The following PDE3A variants were observed in gnomAD, a reference collection of about 807,000 sequenced individuals.
PDE3A encodes phosphodiesterase 3A.
A neutral mutation model predicts 98.3 loss-of-function variants in PDE3A; 43 were observed. That is an observed-to-expected ratio of 0.44 (90% CI 0.34 to 0.56). PDE3A has a LOEUF of 0.56. Ranked by LOEUF, PDE3A falls within the 20% of genes least tolerant of loss-of-function variation. PDE3A has a pLI of 0.01. For missense variants in PDE3A, 1,427 were observed against 1,440.7 expected (o/e 0.99, Z 0.15); for synonymous variants, 663 against 567.9 (o/e 1.17, Z -2.38).
chr12:20,481,888 C>T (rs1028981115), intron 1 of PDE3A, among the ~76,000 whole-genome samples: 3 of 150,668 alleles, frequency 2.0e-5, no homozygotes, highest in Non-Finnish European at 4.4e-5. Flanking sequence ...CCTCAGCCTC[C>T]CGAGTAGCTG....
intron 2 of PDE3A, among the ~76,000 whole-genome samples, chr12:20,595,954 ATCC>A (rs1018256567): frequency 2.0e-5 from 3 of 152,140 alleles, no homozygotes; most frequent in South Asian, 4.1e-4. Context: ...TTTTTCCTAC[ATCC>A]TCCTCCTTAT....
chr12:20,379,705 T>A (rs1943630454), intron 1 of PDE3A, among the ~76,000 whole-genome samples: 1 of 151,786 alleles, frequency 6.6e-6, no homozygotes, highest in South Asian at 2.1e-4. Context: ...CTAAGTTGAT[T>A]TAAGGAAATT....
In PDE3A at chr12:20,386,068, A is replaced by G. The variant is rs1212588866; in HGVS notation, c.960+15824A>G. On this transcript the variant is annotated intron_variant, in intron 1 of 15. Coordinates refer to ENST00000359062, the MANE Select transcript of PDE3A (RefSeq NM_000921.5). ...TATATATAAATATATATAAATATAT[A>G]TAAAATATATATAAATATATAAATA... 2.1e-3 allele frequency among the ~76,000 whole-genome samples: 61 copies of G among 28,534 alleles called. 2 individuals carry two copies. The East Asian group carries it at 0.024, about 11-fold the overall frequency. 18.7% of individuals were successfully genotyped at this position (28,534 alleles called of 152,430 possible).
At chr12:20,522,389 G>C (rs1946446185) in intron 1 of PDE3A, among the ~76,000 whole-genome samples, 1 of 152,178 alleles carries the variant, frequency 6.6e-6, no homozygotes, top group Non-Finnish European at 1.5e-5. Context: ...GTGGGGTTCA[G>C]CAATTTGTCT....
chr12:20,482,449 TAAG>T (rs1359210969), intron 1 of PDE3A, among the ~76,000 whole-genome samples: 4 of 152,064 alleles, frequency 2.6e-5, no homozygotes, highest in Admixed American at 2.0e-4. Flanking sequence ...AGTTGAGGAA[TAAG>T]AAGAGTTTCA....
In PDE3A at chr12:20,685,660, A is replaced by G. The variant is rs1189164870; in HGVS notation, c.*5389A>G. ...CCACATTTTCTTTCCAGATACAGCT[A>G]GTTTTTCTCCACATGTTTTTAAGGT... On this transcript the variant is annotated 3_prime_UTR_variant, in exon 16 of 16. Transcript: ENST00000359062. Among the ~76,000 whole-genome samples the G allele has an allele frequency of 6.6e-6, 1 of 152,144 alleles. No individual in the cohort carries two copies. The highest frequency in any genetic ancestry group is 1.9e-4 in the East Asian group (1 of 5,180).
intron 1 of PDE3A, among the ~76,000 whole-genome samples, chr12:20,422,671 AC>A (rs1944539872): frequency 6.6e-6 from 1 of 152,246 alleles, no homozygotes; most frequent in Non-Finnish European, 1.5e-5. Flanking sequence ...ACATGGAATA[AC>A]CGCATATAGA....
rs1160285522 is a variant in PDE3A at position 20,386,030 on chromosome 12, A to T, written c.960+15786A>T. ...TAAATATATATAAAATATATATATA[A>T]ATATATATAAAATATATATAAATAT... On this transcript the variant is annotated intron_variant, in intron 1 of 15. Transcript: ENST00000359062. Among the ~76,000 whole-genome samples the T allele has an allele frequency of 1.7e-4, 16 of 93,590 alleles. 1 individual carries two copies. The highest frequency in any genetic ancestry group is 4.1e-4 in the African/African-American group (10 of 24,452). The allele number at this position is 93,590 out of a possible 152,430, so 61.4% of individuals were successfully genotyped here. A position where few individuals can be genotyped will look rare whatever the true frequency, so the allele number is the denominator to read the frequency against.
chr12:20,497,676 G>T (rs1440401687), intron 1 of PDE3A, among the ~76,000 whole-genome samples: 1 of 152,134 alleles, frequency 6.6e-6, no homozygotes, highest in African/African-American at 2.4e-5. Context: ...GATGAAGGTG[G>T]ATTATTCAAA....
At chr12:20,659,857 G>T (rs541391633) in intron 15 of PDE3A, among the ~76,000 whole-genome samples, 63 of 152,242 alleles carry the variant, frequency 4.1e-4, no homozygotes, top group African/African-American at 1.3e-3. Flanking sequence ...TGGAAATGTG[G>T]AACAAAAACT....
intron 1 of PDE3A, among the ~76,000 whole-genome samples, chr12:20,465,133 T>G (rs1176341018): frequency 1.3e-5 from 2 of 152,202 alleles, no homozygotes; most frequent in Non-Finnish European, 2.9e-5. Context: ...CAGGTCTAAG[T>G]TCATCAAATC....
intron 1 of PDE3A, among the ~76,000 whole-genome samples, chr12:20,538,548 A>G (rs1592033553): frequency 6.6e-6 from 1 of 152,170 alleles, no homozygotes; most frequent in African/African-American, 2.4e-5. Context: ...TGCCATCTCT[A>G]TGAGAACCAG....
intron 1 of PDE3A, among the ~76,000 whole-genome samples, chr12:20,435,408 A>G (rs1944763732): frequency 6.6e-6 from 1 of 152,174 alleles, no homozygotes; most frequent in Admixed American, 6.5e-5. Flanking sequence ...AAGGTGCAGT[A>G]TGTACTGAAA....
At chr12:20,467,126 C>T (rs1198796398) in intron 1 of PDE3A, among the ~76,000 whole-genome samples, 2 of 152,024 alleles carry the variant, frequency 1.3e-5, no homozygotes, top group Admixed American at 1.3e-4. Flanking sequence ...TTTTTTCTAT[C>T]TAATTGGGAG....
chr12:20,419,551 C>T (rs779555904), intron 1 of PDE3A, among the ~76,000 whole-genome samples: 2 of 151,508 alleles, frequency 1.3e-5, no homozygotes, highest in Non-Finnish European at 2.9e-5. Flanking sequence ...TTCAAAATAT[C>T]GAGTTTCACA....
chr12:20,623,472 C>T (rs989204753), intron 5 of PDE3A, among the ~76,000 whole-genome samples: 1 of 152,032 alleles, frequency 6.6e-6, no homozygotes, highest in Non-Finnish European at 1.5e-5. Context: ...TACTGGCAGT[C>T]AGAACACAGC....
At chr12:20,441,794 C>G (rs1287416297) in intron 1 of PDE3A, among the ~76,000 whole-genome samples, 3 of 152,068 alleles carry the variant, frequency 2.0e-5, no homozygotes, top group African/African-American at 7.2e-5. Flanking sequence ...TCTCTTCAAC[C>G]CTGCCTTTAA....
intron 1 of PDE3A, among the ~76,000 whole-genome samples, chr12:20,386,037 AT>A (rs1565532377): frequency 1.2e-4 from 11 of 90,560 alleles, no homozygotes; most frequent in Non-Finnish European, 1.8e-4. Context: ...ATAAATATAT[AT>A]AAAATATATA....
intron 1 of PDE3A, among the ~76,000 whole-genome samples, chr12:20,553,521 T>C (rs1942274937): frequency 7.4e-6 from 1 of 134,982 alleles, no homozygotes; most frequent in African/African-American, 2.8e-5. Flanking sequence ...ATGGCGTGGC[T>C]CAGCTGTCTG....
Sources: gnomAD v4.1 joint callset for allele counts (sites outside exome capture counted in the v4.1 genomes callset) on GRCh38, gnomAD v4.1.1 for gene constraint, MANE v1.5 for transcripts, NCBI Gene and HGNC (gene_info 2026-07-23, HGNC 2026-07-21) for gene names.